Variants in TLE1 observed in about 807,000 individuals in gnomAD.
TLE1 encodes the protein TLE family member 1, transcriptional corepressor.
In TLE1, 21 loss-of-function variants were observed where a neutral mutation model predicts 89.8. The observed-to-expected ratio is 0.23, with a 90% CI of 0.17 to 0.34. The LOEUF is 0.34. Ranked by LOEUF, TLE1 falls within the 10% of genes least tolerant of loss-of-function variation. TLE1 has a pLI of 1.00. For missense variants in TLE1, 795 were observed against 1,031.2 expected, an observed-to-expected ratio of 0.77 and a Z score of 3.14; for synonymous variants, 447 against 407.6, an observed-to-expected ratio of 1.10 and a Z score of -1.16.
At chr9:81,675,429 T>C (rs74699801) in intron 4 of TLE1, among the ~76,000 whole-genome samples, 5,120 of 152,276 alleles carry the variant, frequency 0.034, 278 homozygotes, top group African/African-American at 0.12. Flanking sequence ...ATCTACACTC[T>C]ATTGGCAGCT....
At chr9:81,611,706 A>T (rs1823729463) in intron 13 of TLE1, 63 bp downstream of exon 13, 5 of 1,371,554 alleles carry the variant, frequency 3.6e-6, no homozygotes, top group Admixed American at 4.0e-5. Context: ...CCCAAACCTG[A>T]CAGCGCTCAA....
intron 15 of TLE1, among the ~76,000 whole-genome samples, chr9:81,592,345 A>G (rs1159736978): frequency 6.6e-6 from 1 of 152,228 alleles, no homozygotes; most frequent in East Asian, 1.9e-4. Context: ...GCGACAGAGC[A>G]AGACTCCGTC....
intron 6 of TLE1, among the ~76,000 whole-genome samples, chr9:81,645,398 A>G (rs1828733027): frequency 6.6e-6 from 1 of 151,238 alleles, no homozygotes; most frequent in South Asian, 2.1e-4. Flanking sequence ...ATAATAATTC[A>G]ATTGTAATTT....
chr9:81,636,722 C>G (rs1827408292), intron 6 of TLE1, among the ~76,000 whole-genome samples: 1 of 152,018 alleles, frequency 6.6e-6, no homozygotes, highest in Non-Finnish European at 1.5e-5. Context: ...TAAAGATTTC[C>G]GGCCAGGCAC....
chr9:81,671,108 C>T (rs925317694), intron 4 of TLE1, among the ~76,000 whole-genome samples: 6 of 152,064 alleles, frequency 3.9e-5, no homozygotes, highest in African/African-American at 9.7e-5. Flanking sequence ...GCAATGACTG[C>T]GGTGAACTGA....
Position 81,689,509 on chromosome 9 carries a change from A to G in TLE1, c.-1269T>C, listed in dbSNP as rs1012480793. Among the ~76,000 whole-genome samples the G allele has an allele frequency of 2.0e-5, 3 of 151,838 alleles. No homozygotes were observed. The highest frequency in any genetic ancestry group is 3.9e-4 in the East Asian group (2 of 5,108). ...TGCTGCTTCTGCAGCCGCCGCTCCC[A>G]CCGCCGCCGCCGCCCGCGCCTCTCG... On this transcript the variant is annotated 5_prime_UTR_variant, in exon 1 of 20. Coordinates refer to ENST00000376499, the MANE Select transcript of TLE1 (RefSeq NM_005077.5).
At chr9:81,632,388 C>T (rs769960265) in intron 8 of TLE1, among the ~76,000 whole-genome samples, 2 of 150,780 alleles carry the variant, frequency 1.3e-5, no homozygotes, top group African/African-American at 2.4e-5. Context: ...CTATTCTACA[C>T]AGAAGAGGGG....
chr9:81,658,821 A>G (rs1588149275), intron 4 of TLE1, among the ~76,000 whole-genome samples: 1 of 152,212 alleles, frequency 6.6e-6, no homozygotes, highest in African/African-American at 2.4e-5. Context: ...CTCTTGCTTC[A>G]ACAAAAGGGT....
chr9:81,613,297 G>A (rs1352544228), intron 12 of TLE1, 80 bp downstream of exon 12: 1 of 1,551,030 alleles, frequency 6.4e-7, no homozygotes, highest in Non-Finnish European at 8.7e-7. Context: ...TAGGGCAATT[G>A]CGTCACAACA....
At chr9:81,661,328 CG>C (rs1038181534) in intron 4 of TLE1, among the ~76,000 whole-genome samples, 4 of 151,278 alleles carry the variant, frequency 2.6e-5, no homozygotes, top group Non-Finnish European at 2.9e-5. Context: ...AACTGCAATA[CG>C]GAAGAGCCCA....
At position 81,612,092 on chromosome 9, in the gene TLE1, A is replaced by G. The variant is rs974650105; in HGVS notation, c.1064-133T>C. ...GAGGTAAGGCTTCTAGGGGAGGGGG[A>G]AAATCACCTCCAATTTATACACTGG... On this transcript the variant is annotated intron_variant, in intron 12 of 19. Coordinates refer to ENST00000376499, the MANE Select transcript of TLE1 (RefSeq NM_005077.5). The G allele has an allele frequency of 5.6e-6, 4 of 711,580 alleles. No homozygotes were observed. In the African/African-American group the frequency reaches 7.4e-5, roughly 13 times the overall value. 44.1% of individuals were successfully genotyped at this position (711,580 alleles called of 1,614,324 possible). A position where few individuals can be genotyped will look rare whatever the true frequency, so the allele number is the denominator to read the frequency against.
At chr9:81,602,807 T>A (rs531587233) in intron 14 of TLE1, among the ~76,000 whole-genome samples, 1 of 151,272 alleles carries the variant, frequency 6.6e-6, no homozygotes, top group Non-Finnish European at 1.5e-5. Context: ...ATGAGAAAGG[T>A]GAGAATTTTA....
chr9:81,599,301 T>C (rs1830609888), intron 14 of TLE1, among the ~76,000 whole-genome samples: 1 of 152,170 alleles, frequency 6.6e-6, no homozygotes, highest in African/African-American at 2.4e-5. Flanking sequence ...GCTGCAAAAG[T>C]GGAGCTGTTA....
At chr9:81,656,569 T>G (rs537337730) in intron 4 of TLE1, among the ~76,000 whole-genome samples, 8 of 152,288 alleles carry the variant, frequency 5.3e-5, no homozygotes, top group Admixed American at 3.9e-4. Context: ...TATTGGTGAT[T>G]TTAGGATACC....
At position 81,654,001 on chromosome 9, in the gene TLE1, T is replaced by A. The variant is rs746929161; in HGVS notation, c.270A>T (p.Ala90=). Residue 90 remains alanine (A), a synonymous_variant, in exon 5 of 20, where the codon GCA becomes GCT. Coordinates refer to ENST00000376499, the MANE Select transcript of TLE1 (RefSeq NM_005077.5). ...EIAKRLNTIC[A]QVIPFLSQEH... ...CCTGAGACAGAAATGGGATGACTTG[T>A]GCACAAATCGTATTCAATCTCTTGG... The A allele has an allele frequency of 6.2e-7, 1 of 1,614,058 alleles. No individual in the cohort carries two copies. Among genetic ancestry groups the A allele is most frequent in the South Asian group, 1.1e-5 (1 of 91,076 alleles).
chr9:81,638,686 G>T (rs549928077), intron 6 of TLE1, among the ~76,000 whole-genome samples: 1 of 151,548 alleles, frequency 6.6e-6, no homozygotes, highest in East Asian at 2.0e-4. Flanking sequence ...ATACAGTGGC[G>T]CAATCTTGGC....
At position 81,685,745 on chromosome 9, in the gene TLE1, CA is replaced by C. The variant is rs1191266572; in HGVS notation, c.190-26del. 6.8e-6 allele frequency: 11 copies of C among 1,612,204 alleles called. No individual in the cohort carries two copies. The African/African-American group carries it at 1.3e-4, about 20-fold the overall frequency. On this transcript the variant is annotated intron_variant, in intron 3 of 19. Transcript: ENST00000376499. Reference sequence around the variant, plus strand: ...ACTGTAAAGAGAAAAAAGAATCAAGCATTTCATTAACTCATGTTTTTTACAC... The same window carrying C: ...ACTGTAAAGAGAAAAAAGAATCAAGCTTTCATTAACTCATGTTTTTTACAC...
intron 12 of TLE1, 29 bp from the exon 13 acceptor site, chr9:81,611,988 T>C: frequency 7.1e-7 from 1 of 1,415,690 alleles, no homozygotes; most frequent in Non-Finnish European, 9.3e-7. Context: ...CGCACATCAT[T>C]CAACTGACCC....
chr9:81,603,781 C>T (rs1831270338), intron 14 of TLE1, among the ~76,000 whole-genome samples: 1 of 152,164 alleles, frequency 6.6e-6, no homozygotes, highest in Non-Finnish European at 1.5e-5. Flanking sequence ...GTGGGTGGAT[C>T]ACCTGAGGTT....
Sources: allele counts gnomAD v4.1 joint callset (sites outside exome capture counted in the v4.1 genomes callset), GRCh38; gene constraint gnomAD v4.1.1; transcripts MANE v1.5; gene names NCBI Gene and HGNC (gene_info 2026-07-23, HGNC 2026-07-21).